The following DNAH11 variants were observed in gnomAD, a reference collection of about 807,000 sequenced individuals.
The protein encoded by DNAH11 is axonemal beta dynein heavy chain 11.
DNAH11 carries 442 observed loss-of-function variants against 526.0 expected under a neutral mutation model. That is an observed-to-expected ratio of 0.84 (90% confidence interval 0.78 to 0.91). DNAH11 has a LOEUF of 0.91. DNAH11 is among the 40% of genes least tolerant of loss of function. The pLI is 0.00. For missense variants in DNAH11, 6,989 were observed against 5,448.7 expected (o/e 1.28, Z -8.90); for synonymous variants, 2,461 against 1,935.9 (o/e 1.27, Z -7.12).
Position 21,599,985 on chromosome 7 carries a change from G to C in DNAH11, c.2866G>C (p.Val956Leu). 1 of 1,613,520 alleles carries C rather than the reference G, an allele frequency of 6.2e-7. No homozygotes were observed. The highest frequency in any genetic ancestry group is 8.5e-7 in the Non-Finnish European group (1 of 1,179,652). The part of the protein sequence containing the change: ...AQMILLPPEI[V>L]FKPSLDREAG... ...AATGATCTTGTTGCCTCCTGAGATT[G>C]TGTTTAAACCTTCCCTAGACAGAGA... is the stretch of plus-strand genomic sequence containing the variant. Residue 956 changes from valine to leucine, a missense_variant, in exon 15 of 82, where the codon GTG becomes CTG. Coordinates refer to ENST00000409508, the MANE Select transcript of DNAH11 (RefSeq NM_001277115.2).
chr7:21,719,918 G>C (rs1214705598), intron 43 of DNAH11, among the ~76,000 whole-genome samples: 1 of 152,194 alleles, frequency 6.6e-6, no homozygotes, highest in African/African-American at 2.4e-5. Context: ...GCTTTAGAGA[G>C]CTAGCCCCAG....
chr7:21,901,492 C>A lies in DNAH11; in HGVS notation c.*238C>A, dbSNP rs1784847257. ...CAGGAGGTAGGAGAATCACTTGAAC[C>A]TAGGAGGCAAAGGTTGCAGTGAGCC... On this transcript the variant is annotated 3_prime_UTR_variant, in exon 82 of 82. Coordinates refer to ENST00000409508, the MANE Select transcript of DNAH11 (RefSeq NM_001277115.2). 17 of 406,968 alleles carry A rather than the reference C, an allele frequency of 4.2e-5. No individual in the cohort carries two copies. The highest frequency in any genetic ancestry group is 6.2e-5 in the Non-Finnish European group (16 of 257,750). 25.2% of individuals were successfully genotyped at this position (406,968 alleles called of 1,614,324 possible).
intron 8 of DNAH11, among the ~76,000 whole-genome samples, chr7:21,574,663 A>G (rs1216140330): frequency 2.7e-5 from 4 of 149,678 alleles, no homozygotes; most frequent in Non-Finnish European, 5.9e-5. Flanking sequence ...TCCTGGCTTC[A>G]AGTGATTCTT....
intron 45 of DNAH11, among the ~76,000 whole-genome samples, chr7:21,732,312 C>G (rs967437442): frequency 1.3e-5 from 2 of 152,158 alleles, no homozygotes; most frequent in African/African-American, 4.8e-5. Flanking sequence ...CCTGTGGGTT[C>G]AAATTTTCTT....
rs749659720 is a variant in DNAH11, at chr7:21,561,089, C to G, written c.901C>G (p.Leu301Val). 6.3e-7 allele frequency: 1 copy of G among 1,598,990 alleles called. No individual in the cohort carries two copies. The highest frequency in any genetic ancestry group is 8.5e-7 in the Non-Finnish European group (1 of 1,172,496). The change falls in exon 5 of 82, where the codon CTC becomes GTC. Residue 301 changes from leucine to valine, a missense_variant. Transcript: ENST00000409508. ...AACTTAGCTTCAGGCACCTGTTGTC[C>G]TCAAAATGGTTAAGATCCTGACAAC... ...IYDQLQAPVV[L>V]KMVKILTTKQ...
In DNAH11 at chr7:21,880,603, T is replaced by C; in HGVS notation, c.12196-99T>C. On this transcript the variant is annotated intron_variant, in intron 74 of 81. Transcript: ENST00000409508. ...TGCTGAAGACTGCCTCTGTAGTATC[T>C]CACTCTCAAAGTTCTTTACAAGATT... The C allele has an allele frequency of 3.1e-6, 4 of 1,270,678 alleles. No homozygotes were observed. In the South Asian group the frequency reaches 5.3e-5, roughly 17 times the overall value. The allele number at this position is 1,270,678 out of a possible 1,614,324, so 78.7% of individuals were successfully genotyped here.
intron 43 of DNAH11, 84 bp downstream of exon 43, chr7:21,718,009 C>A (rs534135427): frequency 2.0e-6 from 3 of 1,491,506 alleles, no homozygotes; most frequent in Non-Finnish European, 2.7e-6. Context: ...TCTTGCCTTG[C>A]CCAAGAAAGT....
intron 8 of DNAH11, among the ~76,000 whole-genome samples, chr7:21,578,037 C>G (rs752120824): frequency 3.9e-5 from 6 of 152,130 alleles, no homozygotes; most frequent in Non-Finnish European, 8.8e-5. Context: ...CCTCAGGAAA[C>G]TTACAATCAT....
At chr7:21,587,336 G>C (rs930985644) in intron 9 of DNAH11, among the ~76,000 whole-genome samples, 1 of 152,132 alleles carries the variant, frequency 6.6e-6, no homozygotes, top group Non-Finnish European at 1.5e-5. Flanking sequence ...ATGTGATCCT[G>C]TTCAGTCTGT....
intron 11 of DNAH11, 34 bp from the exon 12 acceptor site, chr7:21,589,174 C>A: frequency 6.8e-7 from 1 of 1,477,070 alleles, no homozygotes; most frequent in Non-Finnish European, 9.2e-7. Flanking sequence ...ATCTAATATA[C>A]GTATAAACCA....
At chr7:21,547,444 G>C (rs977124081) in intron 2 of DNAH11, among the ~76,000 whole-genome samples, 2 of 152,226 alleles carry the variant, frequency 1.3e-5, no homozygotes, top group African/African-American at 2.4e-5. Flanking sequence ...ACCCGGGGCA[G>C]TTACAGCAGG....
Position 21,601,017 on chromosome 7 carries a change from T to C in DNAH11, c.3263T>C (p.Ile1088Thr), listed in dbSNP as rs755583135. The C allele has an allele frequency of 3.5e-5, 57 of 1,610,848 alleles. No homozygotes were observed. The Middle Eastern group carries it at 8.3e-4, about 23-fold the overall frequency. ...TLEQFKEQIDIYEALYVQMSK... is the reference protein window; with the variant it reads ...TLEQFKEQIDTYEALYVQMSK... ...ATCTTTTTCTCACTACAGATTGACA[T>C]TTATGAAGCTTTGTATGTTCAAATG... Residue 1088 changes from isoleucine to threonine, a missense_variant, in exon 17 of 82, where the codon ATT becomes ACT. Transcript: ENST00000409508.
intron 40 of DNAH11, 121 bp from the exon 41 acceptor site, chr7:21,710,432 C>T (rs1434759478): frequency 1.0e-5 from 8 of 780,092 alleles, no homozygotes; most frequent in South Asian, 2.0e-5. Context: ...AAAGGTGTTA[C>T]ACACTGCCCG....
chr7:21,665,131 C>T (rs1205192073), intron 30 of DNAH11, among the ~76,000 whole-genome samples: 1 of 151,924 alleles, frequency 6.6e-6, no homozygotes, highest in Non-Finnish European at 1.5e-5. Flanking sequence ...CTCTCAGTGC[C>T]TTTCACTCCC....
At chr7:21,778,822 A>G (rs891124684) in intron 56 of DNAH11, 136 bp from the exon 57 acceptor site, 8 of 1,006,850 alleles carry the variant, frequency 7.9e-6, no homozygotes, top group Non-Finnish European at 1.1e-5. Flanking sequence ...AAATCAGAAG[A>G]CAGTGAAAAT....
chr7:21,751,889 A>G (rs1199635424), intron 54 of DNAH11, among the ~76,000 whole-genome samples: 5 of 152,238 alleles, frequency 3.3e-5, no homozygotes, highest in Non-Finnish European at 7.3e-5. Flanking sequence ...CCATGGTGAT[A>G]TACTAGGATC....
chr7:21,775,702 T>C (rs1313475406), intron 56 of DNAH11, among the ~76,000 whole-genome samples: 1 of 152,172 alleles, frequency 6.6e-6, no homozygotes, highest in Non-Finnish European at 1.5e-5. Flanking sequence ...TCCATGTCAG[T>C]TTTCTTCTAT....
rs75620834 is a variant in DNAH11, at chr7:21,769,224, A to T, written c.9102+3635A>T. Among the ~76,000 whole-genome samples the T allele has an allele frequency of 1.9e-4, 29 of 152,354 alleles. No individual in the cohort carries two copies. In the East Asian group the frequency reaches 5.4e-3, roughly 28 times the overall value. ...CTTCAGATGGCTGAGGAAAGACACA[A>T]GTAGTTGTAAACATCCTTCCCCATT... On this transcript the variant is annotated intron_variant, in intron 55 of 81. Coordinates refer to ENST00000409508, the MANE Select transcript of DNAH11 (RefSeq NM_001277115.2).
In DNAH11 at chr7:21,872,809, A is replaced by C. The variant is rs139837214; in HGVS notation, c.11968-465A>C. On this transcript the variant is annotated intron_variant, in intron 73 of 81. Coordinates refer to ENST00000409508, the MANE Select transcript of DNAH11 (RefSeq NM_001277115.2). ...TATTTCCTTTTGAGTTCATATGCTT[A>C]TGAGTAGGAGTTTGAGTAGAAGAGG... Among the ~76,000 whole-genome samples, 653 of 152,330 alleles carry C rather than the reference A, an allele frequency of 4.3e-3. 3 individuals carry two copies. Among genetic ancestry groups the C allele is most frequent in the African/African-American group, 0.015 (615 of 41,574 alleles).
Sources: allele counts gnomAD v4.1 joint callset (sites outside exome capture counted in the v4.1 genomes callset), GRCh38; gene constraint gnomAD v4.1.1; transcripts MANE v1.5; gene names NCBI Gene and HGNC (gene_info 2026-07-23, HGNC 2026-07-21).